Variants in CFAP20DC observed in about 807,000 individuals in gnomAD.
CFAP20DC encodes protein CFAP20DC.
Under a neutral mutation model 101.7 loss-of-function variants are expected in CFAP20DC, and 84 were observed. That is an observed-to-expected ratio of 0.83 (90% CI 0.69 to 0.99). CFAP20DC has a LOEUF of 0.99. Ranked by LOEUF, CFAP20DC falls within the 50% of genes least tolerant of loss-of-function variation. The pLI is 0.00. For missense variants in CFAP20DC, 1,007 were observed against 970.3 expected (o/e 1.04, Z -0.50); for synonymous variants, 359 against 351.2 (o/e 1.02, Z -0.25).
intron 4 of CFAP20DC, among the ~76,000 whole-genome samples, chr3:58,947,655 A>G (rs941095572): frequency 6.6e-6 from 1 of 152,160 alleles, no homozygotes; most frequent in African/African-American, 2.4e-5. Context: ...GGCCAATGCA[A>G]TCCTTAGAGA....
chr3:58,999,038 G>A (rs891434604), intron 4 of CFAP20DC, among the ~76,000 whole-genome samples: 1 of 152,204 alleles, frequency 6.6e-6, no homozygotes, highest in African/African-American at 2.4e-5. Flanking sequence ...GAGACACCTA[G>A]GGAAAGTTTA....
At chr3:58,813,550 T>C (rs575118329) in intron 14 of CFAP20DC, among the ~76,000 whole-genome samples, 1 of 152,050 alleles carries the variant, frequency 6.6e-6, no homozygotes, top group Non-Finnish European at 1.5e-5. Flanking sequence ...GAGAACAACG[T>C]AGCCATGGTG....
At chr3:58,785,879 T>TA (rs148158470) in intron 15 of CFAP20DC, among the ~76,000 whole-genome samples, 4,028 of 152,186 alleles carry the variant, frequency 0.026, 193 homozygotes, top group African/African-American at 0.091. Context: ...TCTAGACTTT[T>TA]AGGAGCTCAG....
chr3:58,787,390 G>C (rs1297604913), intron 15 of CFAP20DC, among the ~76,000 whole-genome samples: 1 of 150,854 alleles, frequency 6.6e-6, no homozygotes, highest in East Asian at 2.0e-4. Context: ...CCTAATGCTA[G>C]ATGACGAGTT....
At chr3:58,975,950 T>C (rs1336418840) in intron 4 of CFAP20DC, among the ~76,000 whole-genome samples, 1 of 152,192 alleles carries the variant, frequency 6.6e-6, no homozygotes, top group Non-Finnish European at 1.5e-5. Flanking sequence ...CATGATTGTA[T>C]ATTTAAACAC....
At chr3:58,787,281 T>A (rs937550140) in intron 15 of CFAP20DC, among the ~76,000 whole-genome samples, 22 of 136,224 alleles carry the variant, frequency 1.6e-4, no homozygotes, top group African/African-American at 5.9e-4. Flanking sequence ...TAGGTGGGAA[T>A]TGAACAATGA....
chr3:58,765,281 T>TAC (rs148346359), intron 15 of CFAP20DC, among the ~76,000 whole-genome samples: 76 of 151,178 alleles, frequency 5.0e-4, no homozygotes, highest in Non-Finnish European at 9.0e-4. Flanking sequence ...TATATACATC[T>TAC]ACACACACAC....
intron 3 of CFAP20DC, among the ~76,000 whole-genome samples, chr3:58,730,119 T>A (rs1325154212): frequency 6.6e-6 from 1 of 151,956 alleles, no homozygotes; most frequent in East Asian, 1.9e-4. Context: ...TCACTCTGAA[T>A]GCTGTGTTGA....
intron 14 of CFAP20DC, among the ~76,000 whole-genome samples, chr3:58,821,083 C>G (rs1363802017): frequency 6.6e-6 from 1 of 151,734 alleles, no homozygotes; most frequent in African/African-American, 2.4e-5. Context: ...GGAAAACTGG[C>G]TAGCCATATG....
At chr3:58,791,379 T>C (rs1490254978) in intron 15 of CFAP20DC, among the ~76,000 whole-genome samples, 1 of 152,184 alleles carries the variant, frequency 6.6e-6, no homozygotes, top group Non-Finnish European at 1.5e-5. Flanking sequence ...TATTTTTAGA[T>C]AACTTAATTG....
intron 15 of CFAP20DC, chr3:58,794,212 C>T: frequency 2.7e-6 from 1 of 373,528 alleles, no homozygotes; most frequent in South Asian, 2.0e-5. Flanking sequence ...TCTAACCAGT[C>T]TTGTTTCAGA....
At chr3:58,936,564 C>T (rs2087661725) in intron 5 of CFAP20DC, among the ~76,000 whole-genome samples, 1 of 152,100 alleles carries the variant, frequency 6.6e-6, no homozygotes, top group East Asian at 1.9e-4. Context: ...AAAAATGTGG[C>T]ACATATACAC....
rs1028760111 is a variant in CFAP20DC, at chr3:58,900,671, T to C, written c.550+13037A>G. On this transcript the variant is annotated intron_variant, in intron 6 of 16. Transcript: ENST00000482387. ...CAGTTGAGAATGGCTAAATGGCACA[T>C]GAAAGAGAAGGCTATGAGAAAGCTG... Among the ~76,000 whole-genome samples the C allele has an allele frequency of 2.0e-5, 3 of 152,208 alleles. No individual in the cohort carries two copies. The East Asian group carries it at 5.8e-4, about 29-fold the overall frequency.
rs61503943 is a variant in CFAP20DC at position 58,722,655 on chromosome 3, T to C, written c.198-5027A>G. On this transcript the variant is annotated intron_variant, in intron 3 of 3. Transcript: ENST00000486145. This position sits in a 1 kb window ranked among gnomAD's most constrained non-coding sequence, Gnocchi z 4.5. Reference sequence around the variant, plus strand: ...ACTCCCACAGTTCTCGTTTGCCTTTTCCCAGATGTGAAAGTTACACACTGA... The same window carrying C: ...ACTCCCACAGTTCTCGTTTGCCTTTCCCCAGATGTGAAAGTTACACACTGA... Among the ~76,000 whole-genome samples, 18,479 of 152,200 alleles carry C rather than the reference T, an allele frequency of 0.12. 2,024 individuals carry two copies. Among genetic ancestry groups the C allele is most frequent in the East Asian group, 0.36 (1,878 of 5,180 alleles).
Position 58,986,510 on chromosome 3 carries a change from T to C in CFAP20DC, c.279-48748A>G, listed in dbSNP as rs563060788. ...GAAAGGAGTTCTAGAAACTTCTGTA[T>C]GGAAAATCAAAAACAAACTAGCAAA... On this transcript the variant is annotated intron_variant, in intron 4 of 16. Coordinates refer to ENST00000482387, the MANE Select transcript of CFAP20DC (RefSeq NM_001394063.1). 2.6e-5 allele frequency among the ~76,000 whole-genome samples: 4 copies of C among 152,244 alleles called. No individual in the cohort carries two copies. The East Asian group carries it at 7.7e-4, about 29-fold the overall frequency.
Position 59,014,471 on chromosome 3 carries a change from A to G in CFAP20DC, c.278+25086T>C, listed in dbSNP as rs1211384881. Among the ~76,000 whole-genome samples the G allele has an allele frequency of 6.6e-6, 1 of 152,180 alleles. No individual in the cohort carries two copies. The highest frequency in any genetic ancestry group is 6.6e-5 in the Admixed American group (1 of 15,266). On this transcript the variant is annotated intron_variant, in intron 4 of 16. Transcript: ENST00000482387. This position sits in a 1 kb window ranked among gnomAD's most constrained non-coding sequence, Gnocchi z 4.9. ...AATCCAAATAGTGTTGTCAATTCATAGGGATATCAAGCTCAGACTCACAAG... is the reference window on the plus strand; with the variant it reads ...AATCCAAATAGTGTTGTCAATTCATGGGGATATCAAGCTCAGACTCACAAG...
intron 14 of CFAP20DC, among the ~76,000 whole-genome samples, chr3:58,816,369 A>G (rs1194775205): frequency 6.6e-6 from 1 of 152,124 alleles, no homozygotes. Flanking sequence ...CTGCATTTCC[A>G]TCTGAGGTAC....
intron 12 of CFAP20DC, chr3:58,862,545 T>G (rs1251611616): frequency 1.0e-6 from 1 of 985,244 alleles, no homozygotes; most frequent in East Asian, 1.1e-4. Context: ...CTGAAGAAAC[T>G]CATTAAAAGT....
At chr3:58,943,842 T>C (rs1293374260) in intron 4 of CFAP20DC, among the ~76,000 whole-genome samples, 1 of 152,076 alleles carries the variant, frequency 6.6e-6, no homozygotes. Flanking sequence ...GTTAGAGGAA[T>C]TGCTAACTAG....
Sources: gnomAD v4.1 joint callset for allele counts (sites outside exome capture counted in the v4.1 genomes callset) on GRCh38, gnomAD v4.1.1 for gene constraint, Gnocchi (gnomAD v3.1) non-coding constraint, MANE v1.5 for transcripts, NCBI Gene and HGNC (gene_info 2026-07-23, HGNC 2026-07-21) for gene names.